The following USP15 variants were observed in gnomAD, a reference collection of about 807,000 sequenced individuals.
USP15 encodes the protein ubiquitin carboxyl-terminal hydrolase 15.
USP15 carries 18 observed loss-of-function variants against 127.1 expected under a neutral mutation model. The observed-to-expected ratio is 0.14, with a 90% CI of 0.10 to 0.21. The LOEUF is 0.21. USP15 is among the 10% of genes least tolerant of loss of function. The pLI, the probability that USP15 is intolerant of heterozygous loss-of-function variation, is 1.00. For missense variants in USP15, 805 were observed against 1,159.9 expected, an observed-to-expected ratio of 0.69 and a Z score of 4.44; for synonymous variants, 364 against 393.7, an observed-to-expected ratio of 0.92 and a Z score of 0.89.
intron 8 of USP15, among the ~76,000 whole-genome samples, chr12:62,377,978 G>T (rs1047636504): frequency 2.0e-5 from 3 of 151,982 alleles, no homozygotes; most frequent in Admixed American, 1.3e-4. Context: ...AAGCCAAGGC[G>T]GGCAGATCAC....
chr12:62,383,771 C>G, intron 9 of USP15, 69 bp from the exon 10 acceptor site: 2 of 1,474,016 alleles, frequency 1.4e-6, no homozygotes, highest in Non-Finnish European at 1.8e-6. Flanking sequence ...TAATGAGAAT[C>G]TATTGTACAT....
chr12:62,380,774 T>C (rs997932749), intron 8 of USP15, among the ~76,000 whole-genome samples: 7 of 152,234 alleles, frequency 4.6e-5, no homozygotes, highest in Admixed American at 1.3e-4. Flanking sequence ...GATAAAATGT[T>C]GAAAAATTGT....
chr12:62,263,435 G>T (rs960153741), intron 1 of USP15, among the ~76,000 whole-genome samples: 1 of 152,126 alleles, frequency 6.6e-6, no homozygotes, highest in African/African-American at 2.4e-5. Context: ...GGTAACTCGG[G>T]TAACTAACTT....
chr12:62,266,048 A>G lies in USP15; in HGVS notation c.89+5545A>G, dbSNP rs180736184. ...ACACCTTGCTTCTGGATATTAAAAC[A>G]TGCTTAAAGATTGATAGGTGAATAA... On this transcript the variant is annotated intron_variant, in intron 1 of 21. Coordinates refer to ENST00000280377, the MANE Select transcript of USP15 (RefSeq NM_001252078.2). Among the ~76,000 whole-genome samples the G allele has an allele frequency of 9.8e-5, 15 of 152,354 alleles. No homozygotes were observed. The East Asian group carries it at 2.7e-3, about 27-fold the overall frequency.
intron 1 of USP15, among the ~76,000 whole-genome samples, chr12:62,288,489 A>C (rs1327681787): frequency 1.3e-5 from 2 of 151,964 alleles, no homozygotes; most frequent in African/African-American, 2.4e-5. Context: ...TTCGTTTCTC[A>C]AAGAAGTCTT....
At chr12:62,366,976 G>A (rs1035411356) in intron 8 of USP15, among the ~76,000 whole-genome samples, 7 of 152,052 alleles carry the variant, frequency 4.6e-5, no homozygotes, top group African/African-American at 1.4e-4. Flanking sequence ...GGATTTTCAC[G>A]TCGATGTTCA....
intron 6 of USP15, among the ~76,000 whole-genome samples, chr12:62,331,147 A>C (rs2065286933): frequency 6.6e-6 from 1 of 152,208 alleles, no homozygotes; most frequent in Admixed American, 6.5e-5. Context: ...TCTGATATAT[A>C]TCACTAACCT....
chr12:62,336,964 T>A (rs951513310), intron 6 of USP15, among the ~76,000 whole-genome samples: 4 of 152,258 alleles, frequency 2.6e-5, no homozygotes, highest in Non-Finnish European at 5.9e-5. Context: ...TTAAAATCTT[T>A]CAAATGTAAA....
chr12:62,360,883 A>G lies in USP15; in HGVS notation c.915+5408A>G, dbSNP rs2137473482. 1.3e-5 allele frequency among the ~76,000 whole-genome samples: 2 copies of G among 152,134 alleles called. 1 individual carries two copies. Among genetic ancestry groups the G allele is most frequent in the South Asian group, 4.1e-4 (2 of 4,826 alleles). ...TCATGTTATGTGCCAGAAATTACAT[A>G]GCAAATTGTCATCAAAAATATATTC... On this transcript the variant is annotated intron_variant, in intron 8 of 21. Coordinates refer to ENST00000280377, the MANE Select transcript of USP15 (RefSeq NM_001252078.2).
chr12:62,314,162 A>C, intron 3 of USP15: 1 of 308,776 alleles, frequency 3.2e-6, no homozygotes, highest in Non-Finnish European at 4.7e-6. Context: ...TGTGTAGTTA[A>C]AGGTCAAACA....
chr12:62,360,217 TTAGA>T (rs1185127181), intron 8 of USP15, among the ~76,000 whole-genome samples: 5 of 152,054 alleles, frequency 3.3e-5, no homozygotes, highest in African/African-American at 1.2e-4. Context: ...ATAGAGCTCC[TTAGA>T]TAGATTCTAG....
At chr12:62,296,411 C>T (rs558815603) in intron 2 of USP15, among the ~76,000 whole-genome samples, 2 of 152,256 alleles carry the variant, frequency 1.3e-5, no homozygotes, top group Admixed American at 6.5e-5. Context: ...CATGCTAACA[C>T]TGTTTTTTAA....
At chr12:62,285,523 C>A (rs1051931906) in intron 1 of USP15, among the ~76,000 whole-genome samples, 1 of 151,822 alleles carries the variant, frequency 6.6e-6, no homozygotes, top group Non-Finnish European at 1.5e-5. Flanking sequence ...TTTATCCAGT[C>A]ATCCATTTAT....
Position 62,411,129 on chromosome 12 carries a change from AG to A in USP15, c.*6757del, listed in dbSNP as rs2068030668. The A allele has an allele frequency of 6.6e-6, 1 of 152,228 alleles. No homozygotes were observed. The highest frequency in any genetic ancestry group is 2.1e-4 in the South Asian group (1 of 4,838). The allele number at this position is 152,228 out of a possible 1,614,324, so 9.4% of individuals were successfully genotyped here. A position where few individuals can be genotyped will look rare whatever the true frequency, so the allele number is the denominator to read the frequency against. ...GCTTTAATTTGTTTATGCAGAAATA[AG>A]GGAAAAGGACCCTAGAGATCCTTGA... is the stretch of plus-strand genomic sequence containing the variant. On this transcript the variant is annotated 3_prime_UTR_variant, in exon 22 of 22. Transcript: ENST00000280377.
intron 8 of USP15, among the ~76,000 whole-genome samples, chr12:62,356,144 CTG>C (rs2066122135): frequency 6.6e-6 from 1 of 151,672 alleles, no homozygotes; most frequent in Admixed American, 6.6e-5. Flanking sequence ...GATAAAATTT[CTG>C]TGTTTATAAA....
intron 6 of USP15, among the ~76,000 whole-genome samples, chr12:62,339,230 A>G (rs1244475363): frequency 1.3e-5 from 2 of 152,044 alleles, no homozygotes; most frequent in Admixed American, 6.6e-5. Flanking sequence ...TGATTTTTGC[A>G]CGTTGATTTT....
chr12:62,260,522 G>C lies in USP15; in HGVS notation c.89+19G>C, dbSNP rs1476612384. ...ACACCTGGTAAGAGAAAGGGGTTGA[G>C]ATGCCCGCGGTTGCCCGAGGATAGT... On this transcript the variant is annotated intron_variant, in intron 1 of 21. Transcript: ENST00000280377. 8 of 1,549,382 alleles carry C rather than the reference G, an allele frequency of 5.2e-6. No individual in the cohort carries two copies. Among genetic ancestry groups the C allele is most frequent in the Non-Finnish European group, 7.0e-6 (8 of 1,146,004 alleles).
Position 62,390,896 on chromosome 12 carries a change from A to G in USP15, c.1877A>G (p.Glu626Gly). ...RYVKISTETEETEGSLHCCKD... is the reference protein window; with the variant it reads ...RYVKISTETEGTEGSLHCCKD... Reference sequence around the variant, plus strand: ...GTCAAAATATCTACTGAAACTGAAGAAACTGAAGGATCCCTACACTGCTGT... The same window carrying G: ...GTCAAAATATCTACTGAAACTGAAGGAACTGAAGGATCCCTACACTGCTGT... Residue 626 changes from glutamate (E) to glycine (G), a missense_variant, in exon 15 of 22, where the codon GAA becomes GGA. Physicochemically the swap from Glu to Gly is moderately conservative, Grantham distance 98. Transcript: ENST00000280377. The G allele has an allele frequency of 1.2e-6, 2 of 1,612,246 alleles. No individual in the cohort carries two copies. The highest frequency in any genetic ancestry group is 1.7e-6 in the Non-Finnish European group (2 of 1,178,914).
chr12:62,375,551 G>T (rs1023890337), intron 8 of USP15, among the ~76,000 whole-genome samples: 1 of 152,134 alleles, frequency 6.6e-6, no homozygotes, highest in African/African-American at 2.4e-5. Context: ...GGAGTTCGAG[G>T]TATCAAGTTA....
Sources: gnomAD v4.1 joint callset for allele counts (sites outside exome capture counted in the v4.1 genomes callset) on GRCh38, gnomAD v4.1.1 for gene constraint, MANE v1.5 for transcripts, NCBI Gene and HGNC (gene_info 2026-07-23, HGNC 2026-07-21) for gene names.